Variants in NKAIN3 observed in about 807,000 individuals in gnomAD.
NKAIN3 encodes sodium/potassium transporting ATPase interacting 3, also known as sodium/potassium-transporting ATPase subunit beta-1-interacting protein 3.
Under a neutral mutation model 30.2 loss-of-function variants are expected in NKAIN3, and 25 were observed. The observed-to-expected ratio is 0.83, with a 90% CI of 0.60 to 1.16. The LOEUF (loss-of-function observed/expected upper bound fraction) is 1.16. NKAIN3 is among the 50% of genes most tolerant of loss of function. The pLI is 0.00. For missense variants in NKAIN3, 225 were observed against 254.1 expected, an observed-to-expected ratio of 0.89 and a Z score of 0.78; for synonymous variants, 91 against 89.6, an observed-to-expected ratio of 1.02 and a Z score of -0.09.
chr8:62,419,120 G>A (rs566539765), intron 1 of NKAIN3, among the ~76,000 whole-genome samples: 68 of 152,180 alleles, frequency 4.5e-4, no homozygotes, highest in African/African-American at 1.5e-3. Context: ...ACTATATACT[G>A]GCCATTGATT....
intron 1 of NKAIN3, among the ~76,000 whole-genome samples, chr8:62,433,549 T>G (rs971005075): frequency 8.5e-5 from 13 of 152,160 alleles, no homozygotes; most frequent in Non-Finnish European, 1.9e-4. Context: ...GAGACGGTTT[T>G]ACAAAGCTCT....
At chr8:62,490,922 T>C (rs1807048378) in intron 1 of NKAIN3, among the ~76,000 whole-genome samples, 1 of 152,196 alleles carries the variant, frequency 6.6e-6, no homozygotes, top group Admixed American at 6.5e-5. Flanking sequence ...TCATGTATAG[T>C]GCCAGCACCA....
intron 3 of NKAIN3, among the ~76,000 whole-genome samples, chr8:62,595,382 CTTTTTTT>C (rs1181598520): frequency 9.1e-6 from 1 of 109,954 alleles, no homozygotes; most frequent in Non-Finnish European, 1.8e-5. Context: ...GGGCTATTTT[CTTTTTTT>C]TTTTTTTTTT....
intron 4 of NKAIN3, among the ~76,000 whole-genome samples, chr8:62,789,040 T>A (rs1200568420): frequency 6.6e-6 from 1 of 152,050 alleles, no homozygotes; most frequent in Admixed American, 6.6e-5. Context: ...CCATATGAAC[T>A]TTAAAGTAGT....
intron 3 of NKAIN3, among the ~76,000 whole-genome samples, chr8:62,613,176 CT>C (rs1048798283): frequency 5.9e-5 from 9 of 152,100 alleles, no homozygotes; most frequent in Admixed American, 5.9e-4. Context: ...GATTGAAGTA[CT>C]TTCTTTAGCC....
intron 6 of NKAIN3, among the ~76,000 whole-genome samples, chr8:62,956,062 C>T (rs997053872): frequency 6.6e-6 from 1 of 152,146 alleles, no homozygotes; most frequent in African/African-American, 2.4e-5. Flanking sequence ...AATCATTGTG[C>T]ATGAAACAAT....
rs35191559 is a variant in NKAIN3, at chr8:62,415,749, AATT to A, written c.55-163768_55-163766del. Among the ~76,000 whole-genome samples, 42 of 148,680 alleles carry A rather than the reference AATT, an allele frequency of 2.8e-4. 1 individual carries two copies. The highest frequency in any genetic ancestry group is 7.4e-4 in the African/African-American group (30 of 40,756). On this transcript the variant is annotated intron_variant, in intron 1 of 6. Transcript: ENST00000623646. ...GATTCATTATAATAATTTTATTAAG[AATT>A]ATTATTATTATTATTATTATTTTGA...
intron 1 of NKAIN3, among the ~76,000 whole-genome samples, chr8:62,324,102 T>C (rs1329940178): frequency 6.6e-6 from 1 of 152,042 alleles, no homozygotes; most frequent in Non-Finnish European, 1.5e-5. Context: ...TAATATAAAC[T>C]ATGGACTTTA....
chr8:62,874,606 A>G (rs1205948475), intron 4 of NKAIN3, among the ~76,000 whole-genome samples: 1 of 152,186 alleles, frequency 6.6e-6, no homozygotes, highest in Admixed American at 6.5e-5. Context: ...CACATCAAAA[A>G]ACTTATCCAC....
chr8:62,717,325 A>G (rs1814938740), intron 3 of NKAIN3, among the ~76,000 whole-genome samples: 1 of 152,216 alleles, frequency 6.6e-6, no homozygotes, highest in South Asian at 2.1e-4. Context: ...TAACTATAAC[A>G]TATTAAGCTT....
intron 3 of NKAIN3, among the ~76,000 whole-genome samples, chr8:62,660,921 C>T (rs1325416439): frequency 6.6e-6 from 1 of 152,218 alleles, no homozygotes; most frequent in East Asian, 1.9e-4. Flanking sequence ...CTTCAGGCAT[C>T]AGGAGACTTC....
At chr8:62,814,458 C>T (rs1818608867) in intron 4 of NKAIN3, among the ~76,000 whole-genome samples, 1 of 151,834 alleles carries the variant, frequency 6.6e-6, no homozygotes, top group Non-Finnish European at 1.5e-5. Flanking sequence ...ACACCTATTC[C>T]AAAATCGACC....
chr8:62,419,441 G>A (rs1280003562), intron 1 of NKAIN3, among the ~76,000 whole-genome samples: 4 of 152,142 alleles, frequency 2.6e-5, no homozygotes, highest in Non-Finnish European at 5.9e-5. Flanking sequence ...GATTACTTTC[G>A]ATAAGGAGAA....
intron 3 of NKAIN3, among the ~76,000 whole-genome samples, chr8:62,661,778 G>C (rs1812953089): frequency 6.6e-6 from 1 of 152,174 alleles, no homozygotes; most frequent in Admixed American, 6.5e-5. Flanking sequence ...CTGAAACCTG[G>C]TGGATTCAGC....
At chr8:62,553,340 G>T (rs1305226665) in intron 1 of NKAIN3, among the ~76,000 whole-genome samples, 1 of 152,058 alleles carries the variant, frequency 6.6e-6, no homozygotes, top group Non-Finnish European at 1.5e-5. Context: ...GAAGAAAAAT[G>T]AATGTCATTT....
At position 62,494,874 on chromosome 8, in the gene NKAIN3, A is replaced by G. The variant is rs577645595; in HGVS notation, c.55-84665A>G. 5.3e-5 allele frequency among the ~76,000 whole-genome samples: 8 copies of G among 152,016 alleles called. No homozygotes were observed. The East Asian group carries it at 1.4e-3, about 26-fold the overall frequency. Reference sequence around the variant, plus strand: ...GGTAATGTCCCCTTTGTGATTTCTAATTGTATTTATTTGGATCTTCTCTCT... The same window carrying G: ...GGTAATGTCCCCTTTGTGATTTCTAGTTGTATTTATTTGGATCTTCTCTCT... On this transcript the variant is annotated intron_variant, in intron 1 of 6. Coordinates refer to ENST00000623646, the MANE Select transcript of NKAIN3 (RefSeq NM_001304533.3).
intron 1 of NKAIN3, among the ~76,000 whole-genome samples, chr8:62,384,088 C>T (rs1158657753): frequency 1.3e-5 from 2 of 152,096 alleles, no homozygotes; most frequent in East Asian, 1.9e-4. Flanking sequence ...TCAAGGTTTA[C>T]AGTATTGCAG....
intron 1 of NKAIN3, among the ~76,000 whole-genome samples, chr8:62,484,219 A>T (rs1179128488): frequency 2.6e-5 from 4 of 152,004 alleles, no homozygotes; most frequent in African/African-American, 9.7e-5. Context: ...CTCCCTCGGG[A>T]TGCTCTTAGC....
intron 3 of NKAIN3, among the ~76,000 whole-genome samples, chr8:62,654,423 C>T (rs1358140745): frequency 2.6e-5 from 4 of 151,996 alleles, no homozygotes; most frequent in Non-Finnish European, 5.9e-5. Flanking sequence ...TTGTCACACT[C>T]AAAAGCTTCA....
Sources: allele counts gnomAD v4.1 joint callset (sites outside exome capture counted in the v4.1 genomes callset), GRCh38; gene constraint gnomAD v4.1.1; transcripts MANE v1.5; gene names NCBI Gene and HGNC (gene_info 2026-07-23, HGNC 2026-07-21).